The following PDE10A variants were observed in gnomAD, a reference collection of about 807,000 sequenced individuals.
PDE10A encodes phosphodiesterase 10A, also known as cAMP and cAMP-inhibited cGMP 3',5'-cyclic phosphodiesterase 10A.
In PDE10A, 39 loss-of-function variants were observed where a neutral mutation model predicts 97.7. That is an observed-to-expected ratio of 0.40 (90% CI 0.31 to 0.52). The LOEUF (loss-of-function observed/expected upper bound fraction) is 0.52. Among genes scored for constraint, PDE10A ranks in the 20% least tolerant of loss-of-function variants. The probability of loss-of-function intolerance (pLI) is 0.56; values close to 1 mark genes in which losing one functional copy is unlikely to be tolerated. For synonymous variants in PDE10A, 371 were observed against 376.8 expected (o/e 0.98, Z 0.18); for missense variants, 731 against 1,047.8 (o/e 0.70, Z 4.17).
chr6:165,382,074 T>A (rs1007588080), intron 17 of PDE10A, among the ~76,000 whole-genome samples: 1 of 152,200 alleles, frequency 6.6e-6, no homozygotes, highest in Non-Finnish European at 1.5e-5. Flanking sequence ...CCCACGAATG[T>A]TTCTAAAACT....
chr6:165,411,244 TG>T (rs1464501195), intron 13 of PDE10A, among the ~76,000 whole-genome samples: 7 of 151,862 alleles, frequency 4.6e-5, no homozygotes, highest in Non-Finnish European at 4.4e-5. Flanking sequence ...GTACTTGTGA[TG>T]GGTTAGATTG....
intron 1 of PDE10A, among the ~76,000 whole-genome samples, chr6:165,790,803 T>A (rs554086642): frequency 6.6e-6 from 1 of 152,262 alleles, no homozygotes; most frequent in South Asian, 2.1e-4. Context: ...CTGTGATGTG[T>A]CTTGCACCCT....
intron 6 of PDE10A, among the ~76,000 whole-genome samples, chr6:165,434,845 A>G (rs538575939): frequency 1.4e-4 from 22 of 152,238 alleles, no homozygotes; most frequent in Non-Finnish European, 3.1e-4. Context: ...TTAGATTCAT[A>G]AGAAATCACA....
chr6:165,406,219 G>A (rs1787137803), intron 13 of PDE10A, among the ~76,000 whole-genome samples: 1 of 57,644 alleles, frequency 1.7e-5, no homozygotes, highest in Non-Finnish European at 4.0e-5. Context: ...TTCAAGATGA[G>A]GGAAAAGGAT....
intron 1 of PDE10A, among the ~76,000 whole-genome samples, chr6:165,789,029 G>T (rs927959627): frequency 1.3e-5 from 2 of 152,086 alleles, no homozygotes; most frequent in African/African-American, 4.8e-5. Context: ...TGGCTGAGTG[G>T]AAGGAGGCCG....
chr6:165,921,044 GA>G (rs1367814877), intron 1 of PDE10A, among the ~76,000 whole-genome samples: 1 of 152,166 alleles, frequency 6.6e-6, no homozygotes, highest in Non-Finnish European at 1.5e-5. Context: ...CCATCCCCTG[GA>G]AATAGGAGGA....
intron 13 of PDE10A, among the ~76,000 whole-genome samples, chr6:165,405,877 T>C (rs1379025453): frequency 1.3e-5 from 2 of 152,156 alleles, no homozygotes; most frequent in African/African-American, 4.8e-5. Context: ...CAAATAAAAC[T>C]GGAAAATTGT....
In PDE10A at chr6:165,712,058, G is replaced by A. The variant is rs191628818; in HGVS notation, c.-614-168490C>T. ...TTTGTAACAAGCAGAATGGATGTCC[G>A]TGTGGTTTTTCAGTGGTGAAGTGAG... On this transcript the variant is annotated intron_variant, in intron 1 of 19. Coordinates refer to the PDE10A transcript ENST00000366882. Among the ~76,000 whole-genome samples, 32 of 152,248 alleles carry A rather than the reference G, an allele frequency of 2.1e-4. No individual in the cohort carries two copies. In the East Asian group the frequency reaches 4.6e-3, roughly 22 times the overall value.
chr6:165,389,998 T>C (rs1186762159), intron 16 of PDE10A, among the ~76,000 whole-genome samples: 9 of 152,216 alleles, frequency 5.9e-5, no homozygotes, highest in Admixed American at 3.3e-4. Flanking sequence ...ATGCCAAACA[T>C]TGCTTGAAAA....
intron 2 of PDE10A, 46 bp downstream of exon 2, chr6:165,543,394 A>G (rs779892539): frequency 1.9e-6 from 3 of 1,564,632 alleles, no homozygotes; most frequent in African/African-American, 2.8e-5. Flanking sequence ...CTTTTGCCGT[A>G]AGATAGAAAA....
upstream of PDE10A, among the ~76,000 whole-genome samples, chr6:165,667,327 T>C (rs1790522294): frequency 6.6e-6 from 1 of 152,204 alleles, no homozygotes; most frequent in Non-Finnish European, 1.5e-5. Context: ...CTGAACCCAA[T>C]TTGTAGTCTC....
At chr6:165,668,579 T>C (rs1790554222) in intron 1 of PDE10A, among the ~76,000 whole-genome samples, 1 of 151,516 alleles carries the variant, frequency 6.6e-6, no homozygotes, top group Non-Finnish European at 1.5e-5. Context: ...ATGTTGGCTC[T>C]TCCAGATTTA....
At chr6:165,369,298 T>A (rs560934784) in intron 18 of PDE10A, among the ~76,000 whole-genome samples, 1 of 151,814 alleles carries the variant, frequency 6.6e-6, no homozygotes, top group Admixed American at 6.6e-5. Context: ...GGGAGGACAT[T>A]CAAACCAAAG....
chr6:165,767,999 A>C (rs1269816350), intron 1 of PDE10A, among the ~76,000 whole-genome samples: 1 of 151,976 alleles, frequency 6.6e-6, no homozygotes, highest in Non-Finnish European at 1.5e-5. Flanking sequence ...AGTGGGACCT[A>C]ATTGTGGTTT....
At chr6:165,805,044 G>A (rs1417799171) in intron 1 of PDE10A, among the ~76,000 whole-genome samples, 6 of 148,676 alleles carry the variant, frequency 4.0e-5, no homozygotes, top group African/African-American at 1.5e-4. Flanking sequence ...GCACAGGGGC[G>A]CACGGAGAGG....
At chr6:165,435,607 C>T (rs1789957954) in intron 5 of PDE10A, among the ~76,000 whole-genome samples, 1 of 152,160 alleles carries the variant, frequency 6.6e-6, no homozygotes, top group Admixed American at 6.5e-5. Flanking sequence ...AATGAATGTA[C>T]AGGCACAGAA....
At chr6:165,621,316 G>A (rs961337401) in intron 1 of PDE10A, among the ~76,000 whole-genome samples, 1 of 150,808 alleles carries the variant, frequency 6.6e-6, no homozygotes, top group Non-Finnish European at 1.5e-5. Context: ...AAAAAACTAA[G>A]CTTCGTAAAC....
chr6:165,861,007 A>G (rs570089650), intron 1 of PDE10A, among the ~76,000 whole-genome samples: 25 of 152,180 alleles, frequency 1.6e-4, no homozygotes, highest in Admixed American at 2.6e-4. Flanking sequence ...CTTTTCATTC[A>G]CTCAACACAT....
At chr6:165,622,268 T>TTGTGAGTG (rs1479142292) in intron 1 of PDE10A, among the ~76,000 whole-genome samples, 1 of 145,392 alleles carries the variant, frequency 6.9e-6, no homozygotes, top group Non-Finnish European at 1.5e-5. Context: ...ATATGTGTGT[T>TTGTGAGTG]TGTGAGTGTG....
Sources: allele counts gnomAD v4.1 joint callset (sites outside exome capture counted in the v4.1 genomes callset), GRCh38; gene constraint gnomAD v4.1.1; transcripts MANE v1.5; gene names NCBI Gene and HGNC (gene_info 2026-07-23, HGNC 2026-07-21).